Variants in ATP1A4 observed in about 807,000 individuals in gnomAD.
The protein encoded by ATP1A4 is ATPase Na+/K+ transporting subunit alpha 4, also known as sodium/potassium-transporting ATPase subunit alpha-4.
ATP1A4 carries 90 observed loss-of-function variants against 114.3 expected under a neutral mutation model. The observed-to-expected ratio is 0.79, with a 90% confidence interval of 0.66 to 0.94. ATP1A4 has a LOEUF of 0.94. Ranked by LOEUF, ATP1A4 falls within the 40% of genes least tolerant of loss-of-function variation. The pLI, the probability that ATP1A4 is intolerant of heterozygous loss-of-function variation, is 0.00. For missense variants in ATP1A4, 1,222 were observed against 1,313.6 expected, an observed-to-expected ratio of 0.93 and a Z score of 1.08; for synonymous variants, 511 against 494.1, an observed-to-expected ratio of 1.03 and a Z score of -0.45.
At chr1:160,165,562 G>T (rs569346103) in intron 7 of ATP1A4, among the ~76,000 whole-genome samples, 2 of 151,796 alleles carry the variant, frequency 1.3e-5, no homozygotes, top group East Asian at 2.0e-4. Context: ...GATCGAGACC[G>T]TTCTGGCTAA....
At chr1:160,171,482 A>C (rs766990769) in intron 11 of ATP1A4, 42 bp downstream of exon 11, 3 of 1,608,100 alleles carry the variant, frequency 1.9e-6, no homozygotes, top group Non-Finnish European at 2.6e-6. Context: ...ATGGCATCAA[A>C]ATGGTTATTA....
At chr1:160,154,995 T>G in intron 2 of ATP1A4, 50 bp from the exon 3 acceptor site, 1 of 1,566,432 alleles carries the variant, frequency 6.4e-7, no homozygotes, top group Non-Finnish European at 8.8e-7. Flanking sequence ...TTGCTATGGC[T>G]GTTCCTCTTT....
intron 18 of ATP1A4, among the ~76,000 whole-genome samples, chr1:160,178,830 T>C (rs1040769263): frequency 1.3e-5 from 2 of 152,184 alleles, no homozygotes; most frequent in East Asian, 3.9e-4. Flanking sequence ...TCCCCAACAA[T>C]ATGTGTTTAA....
Position 160,167,377 on chromosome 1 carries a change from G to A in ATP1A4, c.1456G>A (p.Ala486Thr). ...AEMREKNPKVAEIPFNSTNKY... is the reference protein window; with the variant it reads ...AEMREKNPKVTEIPFNSTNKY... ...GATGAGAGAGAAAAACCCCAAGGTG[G>A]CAGAGATTCCCTTTAATTCTACCAA... Residue 486 changes from alanine to threonine, a missense_variant, in exon 10 of 22, where the codon GCA (alanine) becomes ACA (threonine). Physicochemically the swap from Ala to Thr is moderately conservative, Grantham distance 58. Transcript: ENST00000368081. 1 of 1,612,384 alleles carries A rather than the reference G, an allele frequency of 6.2e-7. No individual in the cohort carries two copies. The highest frequency in any genetic ancestry group is 8.5e-7 in the Non-Finnish European group (1 of 1,179,622).
chr1:160,171,859 G>C, intron 12 of ATP1A4, 102 bp downstream of exon 12: 1 of 1,199,966 alleles, frequency 8.3e-7, no homozygotes, highest in Non-Finnish European at 1.2e-6. Flanking sequence ...TAGTTTAATT[G>C]AGCGGATTTC....
At chr1:160,171,007 C>A in intron 10 of ATP1A4, 1 of 388,582 alleles carries the variant, frequency 2.6e-6, no homozygotes, top group Non-Finnish European at 4.6e-6. Flanking sequence ...GGTTCTGCCC[C>A]CAGGGAGCTT....
Position 160,166,391 on chromosome 1 carries a change from TAA to T in ATP1A4, c.1048-135_1048-134del, listed in dbSNP as rs1653035498. ...TTACCACAGCCAGAAATGAAATGTG[TAA>T]AGAGTAGGTGGGAACAAAAGGGAAG... On this transcript the variant is annotated intron_variant, in intron 7 of 21. Transcript: ENST00000368081. 4.4e-6 allele frequency: 5 copies of T among 1,139,850 alleles called. No individual in the cohort carries two copies. In the East Asian group the frequency reaches 7.8e-5, roughly 18 times the overall value. 70.6% of individuals were successfully genotyped at this position (1,139,850 alleles called of 1,614,324 possible). A position where few individuals can be genotyped will look rare whatever the true frequency, so the allele number is the denominator to read the frequency against.
intron 6 of ATP1A4, among the ~76,000 whole-genome samples, chr1:160,163,706 C>G (rs905302928): frequency 6.6e-6 from 1 of 152,144 alleles, no homozygotes; most frequent in Admixed American, 6.5e-5. Context: ...GATTTCATTA[C>G]ATAGGTATAA....
intron 10 of ATP1A4, 37 bp downstream of exon 10, chr1:160,167,449 G>T: frequency 6.2e-7 from 1 of 1,606,848 alleles, no homozygotes; most frequent in Non-Finnish European, 8.5e-7. Context: ...TGGTGGTGGG[G>T]GGATGGGCTT....
intron 7 of ATP1A4, 65 bp downstream of exon 7, chr1:160,164,489 A>G: frequency 9.0e-6 from 14 of 1,552,552 alleles, no homozygotes; most frequent in Non-Finnish European, 1.2e-5. Context: ...AGGGATCACT[A>G]GCGTCTCTTT....
In ATP1A4 at chr1:160,173,696, C is replaced by T. The variant is rs777192521; in HGVS notation, c.1970C>T (p.Pro657Leu). 1.2e-6 allele frequency: 2 copies of T among 1,614,168 alleles called. No homozygotes were observed. Among genetic ancestry groups the T allele is most frequent in the South Asian group, 2.2e-5 (2 of 91,084 alleles). The change falls in exon 13 of 22, where the codon CCT (proline) becomes CTT (leucine). Residue 657 changes from proline to leucine, a missense_variant. Physicochemically the swap from Pro to Leu is moderately conservative, Grantham distance 98. Coordinates refer to ENST00000368081, the MANE Select transcript of ATP1A4 (RefSeq NM_144699.4). The stretch of plus-strand genomic sequence containing the variant: ...GAAGTCGCTGCCCGGCTTAAGATCC[C>T]TATCAGCAAGGTCGATGCCAGGTGA... The part of the protein sequence containing the change: ...AEEVAARLKI[P>L]ISKVDASAAK...
rs11265340 is a variant in ATP1A4 at position 160,167,198 on chromosome 1, C to G, written c.1357-80C>G. ...AGGTACCCGCCCTCCCCATTTGTCC[C>G]CTCTCCATGTTGCCACAGGTATGCC... On this transcript the variant is annotated intron_variant, in intron 9 of 21. Transcript: ENST00000368081. The G allele has an allele frequency of 4.1e-4, 639 of 1,566,474 alleles. 3 individuals are homozygous for G. The African/African-American group carries it at 7.9e-3, about 19-fold the overall frequency.
chr1:160,154,952 C>A (rs1184585434), intron 2 of ATP1A4, 93 bp from the exon 3 acceptor site: 2 of 1,218,240 alleles, frequency 1.6e-6, no homozygotes. Context: ...AGTCTCTAGA[C>A]CCATTCTGGG....
intron 18 of ATP1A4, among the ~76,000 whole-genome samples, chr1:160,180,746 G>T (rs530706563): frequency 9.3e-6 from 1 of 107,394 alleles, no homozygotes; most frequent in African/African-American, 3.7e-5. Context: ...ACGGAGTCTC[G>T]CTCTGTCGCC....
At chr1:160,173,963 T>C in intron 13 of ATP1A4, 148 bp from the exon 14 acceptor site, 2 of 1,078,528 alleles carry the variant, frequency 1.9e-6, no homozygotes, top group South Asian at 1.7e-5. Flanking sequence ...GAATAGGATG[T>C]GTCAATTTGG....
chr1:160,173,553 C>G (rs758196519), intron 12 of ATP1A4, 28 bp from the exon 13 acceptor site: 53 of 1,607,612 alleles, frequency 3.3e-5, no homozygotes, highest in Non-Finnish European at 4.5e-5. Flanking sequence ...GATGATTCTG[C>G]TCCTCTTCCC....
chr1:160,158,167 T>C (rs1429953793), intron 4 of ATP1A4, among the ~76,000 whole-genome samples: 1 of 152,220 alleles, frequency 6.6e-6, no homozygotes, highest in Admixed American at 6.5e-5. Flanking sequence ...CTGTTTCTCA[T>C]AATTCTGTGG....
intron 4 of ATP1A4, 23 bp from the exon 5 acceptor site, chr1:160,158,979 G>C (rs1652770972): frequency 6.2e-7 from 1 of 1,605,780 alleles, no homozygotes; most frequent in Non-Finnish European, 8.5e-7. Flanking sequence ...TTTTGGAAAT[G>C]ATCCTGCACT....
At chr1:160,153,783 T>C (rs943591640) in intron 2 of ATP1A4, among the ~76,000 whole-genome samples, 1 of 152,208 alleles carries the variant, frequency 6.6e-6, no homozygotes, top group Non-Finnish European at 1.5e-5. Context: ...TCTGTTGTGA[T>C]GTTATGCCAG....
Sources: gnomAD v4.1 joint callset for allele counts (sites outside exome capture counted in the v4.1 genomes callset) on GRCh38, gnomAD v4.1.1 for gene constraint, MANE v1.5 for transcripts, NCBI Gene and HGNC (gene_info 2026-07-23, HGNC 2026-07-21) for gene names.